ESRRG: variants seen among roughly 807,000 people sequenced by gnomAD.
The protein encoded by ESRRG is estrogen related receptor gamma.
ESRRG carries 13 observed loss-of-function variants against 44.0 expected under a neutral mutation model. The ratio of observed to expected loss-of-function variants is 0.30; its 90% CI spans 0.19 to 0.47. ESRRG has a LOEUF of 0.47. ESRRG is among the 20% of genes least tolerant of loss of function. The pLI is 1.00. For synonymous variants in ESRRG, 215 were observed against 214.6 expected, an observed-to-expected ratio of 1.00 and a Z score of -0.02; for missense variants, 395 against 580.6, an observed-to-expected ratio of 0.68 and a Z score of 3.29.
chr1:216,593,207 C>G (rs2057958403), intron 3 of ESRRG, among the ~76,000 whole-genome samples: 1 of 152,188 alleles, frequency 6.6e-6, no homozygotes, highest in Non-Finnish European at 1.5e-5. Flanking sequence ...CTGCAGTAAT[C>G]TATCTTCTTT....
chr1:216,558,849 GTTTT>G (rs2058118181), intron 5 of ESRRG, among the ~76,000 whole-genome samples: 1 of 149,326 alleles, frequency 6.7e-6, no homozygotes, highest in African/African-American at 2.5e-5. Context: ...ATTGTATTCT[GTTTT>G]TTGTTTTTTG....
intron 6 of ESRRG, among the ~76,000 whole-genome samples, chr1:216,509,226 G>C (rs983993565): frequency 2.0e-5 from 3 of 152,102 alleles, no homozygotes; most frequent in African/African-American, 7.2e-5. Context: ...TAAAAATTGG[G>C]ATGAATTGTC....
intron 2 of ESRRG, among the ~76,000 whole-genome samples, chr1:216,929,674 G>T (rs1338787774): frequency 6.6e-6 from 1 of 152,168 alleles, no homozygotes; most frequent in African/African-American, 2.4e-5. Flanking sequence ...GTTTAGGAAA[G>T]CAGAGAAGTA....
At chr1:216,711,423 A>G (rs539564948) in intron 1 of ESRRG, among the ~76,000 whole-genome samples, 2 of 152,324 alleles carry the variant, frequency 1.3e-5, no homozygotes, top group East Asian at 3.9e-4. Context: ...ACTAACTAGC[A>G]TATTAAGGTT....
At chr1:216,918,363 G>T (rs1388400686) in intron 2 of ESRRG, among the ~76,000 whole-genome samples, 1 of 152,130 alleles carries the variant, frequency 6.6e-6, no homozygotes, top group South Asian at 2.1e-4. Flanking sequence ...GGAACACCTT[G>T]CTGTCTCGGT....
intron 2 of ESRRG, among the ~76,000 whole-genome samples, chr1:216,811,476 T>C (rs2094967073): frequency 6.6e-6 from 1 of 152,184 alleles, no homozygotes; most frequent in South Asian, 2.1e-4. Flanking sequence ...TGGTCATTTA[T>C]GTAAGTACGC....
intron 2 of ESRRG, among the ~76,000 whole-genome samples, chr1:216,831,248 C>T (rs1126022): frequency 0.78 from 119,242 of 152,080 alleles, 47,189 homozygotes; most frequent in African/African-American, 0.89. Flanking sequence ...TTATTAGCAC[C>T]GATCAACTGT....
At chr1:216,674,992 C>A (rs2075839507) in intron 2 of ESRRG, among the ~76,000 whole-genome samples, 1 of 152,008 alleles carries the variant, frequency 6.6e-6, no homozygotes, top group Non-Finnish European at 1.5e-5. Flanking sequence ...CAAGGGAGAG[C>A]CAGTACAAGT....
intron 1 of ESRRG, among the ~76,000 whole-genome samples, chr1:217,068,270 T>C (rs2090057496): frequency 6.6e-6 from 1 of 152,128 alleles, no homozygotes; most frequent in Non-Finnish European, 1.5e-5. Flanking sequence ...TCTTTAATTC[T>C]TCAATTGAGG....
intron 3 of ESRRG, among the ~76,000 whole-genome samples, chr1:216,613,998 T>G (rs11572730): frequency 0.03 from 4,590 of 152,284 alleles, 227 homozygotes; most frequent in African/African-American, 0.1. Flanking sequence ...AGGGCCACAT[T>G]GTCCAAGCTG....
chr1:216,995,491 T>C (rs1211280960), intron 1 of ESRRG, among the ~76,000 whole-genome samples: 1 of 152,214 alleles, frequency 6.6e-6, no homozygotes, highest in African/African-American at 2.4e-5. Flanking sequence ...TCCTTCATTG[T>C]CATTCCTGTA....
chr1:216,965,803 A>G (rs1297858214), intron 1 of ESRRG, among the ~76,000 whole-genome samples: 2 of 152,210 alleles, frequency 1.3e-5, no homozygotes, highest in Non-Finnish European at 2.9e-5. Context: ...AGGGCTGAGA[A>G]ACAGTTCTTG....
chr1:216,975,593 G>C (rs2072708710), intron 1 of ESRRG, among the ~76,000 whole-genome samples: 3 of 152,100 alleles, frequency 2.0e-5, no homozygotes. Context: ...GAAATATACA[G>C]TGCTCACTAA....
intron 1 of ESRRG, among the ~76,000 whole-genome samples, chr1:216,718,976 T>G (rs1455052239): frequency 1.3e-5 from 2 of 152,186 alleles, no homozygotes; most frequent in East Asian, 3.9e-4. Flanking sequence ...GCCATTTGTA[T>G]GAAAAAGTAT....
At chr1:217,118,691 C>T (rs371356596) in intron 1 of ESRRG, among the ~76,000 whole-genome samples, 4 of 152,088 alleles carry the variant, frequency 2.6e-5, no homozygotes, top group African/African-American at 7.2e-5. Context: ...GGTATGGAGC[C>T]TTTAAAATGT....
chr1:216,528,256 A>G (rs895611772), intron 5 of ESRRG, among the ~76,000 whole-genome samples: 4 of 152,192 alleles, frequency 2.6e-5, no homozygotes, highest in Non-Finnish European at 4.4e-5. Flanking sequence ...AAGTGCCTAT[A>G]AAGTATATAG....
chr1:216,780,190 T>G (rs2093877478), intron 2 of ESRRG, among the ~76,000 whole-genome samples: 1 of 152,020 alleles, frequency 6.6e-6, no homozygotes, highest in South Asian at 2.1e-4. Flanking sequence ...AATTTTTATA[T>G]AAATACCACC....
chr1:216,663,175 G>A (rs1172260335), intron 2 of ESRRG, among the ~76,000 whole-genome samples: 3 of 152,256 alleles, frequency 2.0e-5, no homozygotes, highest in African/African-American at 7.2e-5. Flanking sequence ...AAACATAGGC[G>A]AAAGCTCTGG....
chr1:217,065,848 A>T (rs2089558277), intron 1 of ESRRG, among the ~76,000 whole-genome samples: 1 of 152,176 alleles, frequency 6.6e-6, no homozygotes, highest in African/African-American at 2.4e-5. Context: ...CAATAATAAC[A>T]CCATAGAATA....
Sources: allele counts gnomAD v4.1 joint callset (sites outside exome capture counted in the v4.1 genomes callset), GRCh38; gene constraint gnomAD v4.1.1; transcripts MANE v1.5; gene names NCBI Gene and HGNC (gene_info 2026-07-23, HGNC 2026-07-21).